Variants in USP54 observed in about 807,000 individuals in gnomAD.
USP54 encodes the protein ubiquitin specific peptidase 54.
USP54 carries 87 observed loss-of-function variants against 170.5 expected under a neutral mutation model. The ratio of observed to expected loss-of-function variants is 0.51; its 90% CI spans 0.43 to 0.61. The LOEUF (loss-of-function observed/expected upper bound fraction) is 0.61. Ranked by LOEUF, USP54 falls within the 20% of genes least tolerant of loss-of-function variation. USP54 has a pLI of 0.00. For missense variants in USP54, 1,786 were observed against 2,047.8 expected (o/e 0.87, Z 2.47); for synonymous variants, 655 against 742.8 (o/e 0.88, Z 1.92).
intron 20 of USP54, among the ~76,000 whole-genome samples, chr10:73,508,402 A>AG: frequency 6.8e-6 from 1 of 146,528 alleles, no homozygotes; most frequent in Admixed American, 6.7e-5. Context: ...GTGAGAATCC[A>AG]GAAAAAAAAA....
intron 1 of USP54, among the ~76,000 whole-genome samples, chr10:73,622,153 T>G (rs1164345401): frequency 6.6e-6 from 1 of 152,186 alleles, no homozygotes. Context: ...CTTCCTGAAC[T>G]TTTTAAGCCT....
At chr10:73,580,473 G>C (rs1235578538) in intron 1 of USP54, among the ~76,000 whole-genome samples, 1 of 152,032 alleles carries the variant, frequency 6.6e-6, no homozygotes, top group African/African-American at 2.4e-5. Flanking sequence ...AAAATTATGG[G>C]ATTATGGGAC....
At chr10:73,613,313 G>C (rs1039740633) in intron 1 of USP54, among the ~76,000 whole-genome samples, 4 of 151,262 alleles carry the variant, frequency 2.6e-5, no homozygotes, top group African/African-American at 9.7e-5. Context: ...TGTATTTTTA[G>C]TCAAGATGGG....
At chr10:73,550,925 T>C (rs980311483) in intron 4 of USP54, among the ~76,000 whole-genome samples, 3 of 151,984 alleles carry the variant, frequency 2.0e-5, no homozygotes, top group African/African-American at 7.2e-5. Context: ...GCTAACAAGG[T>C]GAAACCCCGT....
chr10:73,498,852 T>A lies in USP54; in HGVS notation c.4832A>T (p.His1611Leu), dbSNP rs997964605. ...ATTCCAAGCTGACCTCAGGGGTACA[T>A]GAAGACTGCTAGATGGTGGGTACAC... ...HPVYPPSSSL[H>L]VPLRSAWNSD... The change falls in exon 24 of 24, where the codon CAT (histidine) becomes CTT (leucine). Residue 1611 changes from histidine to leucine, a missense_variant. By Grantham distance (99) the His-to-Leu change is moderately conservative. Around this residue, in one of 3 missense-constraint regions of USP54, gnomAD observed 1,418 missense variants for 1,569.0 expected, o/e 0.90. Transcript: ENST00000687698. 6 of 1,610,256 alleles carry A rather than the reference T, an allele frequency of 3.7e-6. No homozygotes were observed. Among genetic ancestry groups the A allele is most frequent in the East Asian group, 2.2e-5 (1 of 44,780 alleles).
chr10:73,526,680 T>C lies in USP54; in HGVS notation c.2161A>G (p.Met721Val), dbSNP rs1215520036. The change falls in exon 16 of 24, where the codon ATG (methionine) becomes GTG (valine). Residue 721 changes from methionine to valine, a missense_variant. By Grantham distance (21) the Met-to-Val change is conservative. This residue lies in a region of USP54 where 1,418 missense variants were observed against 1,569.0 expected (regional missense o/e 0.90). Transcript: ENST00000687698. ...SILEVDSTAS[M>V]GGWTKSQPFS... Reference sequence around the variant, plus strand: ...GGCTGACTCTTTGTCCAGCCACCCATGGATGCTGTGGAGTCTACCTCCAGG... The same window carrying C: ...GGCTGACTCTTTGTCCAGCCACCCACGGATGCTGTGGAGTCTACCTCCAGG... 1.2e-6 allele frequency: 2 copies of C among 1,614,182 alleles called. No individual in the cohort carries two copies. Among genetic ancestry groups the C allele is most frequent in the Admixed American group, 3.3e-5 (2 of 60,028 alleles).
At chr10:73,609,570 G>T (rs2079959321) in intron 1 of USP54, among the ~76,000 whole-genome samples, 2 of 152,194 alleles carry the variant, frequency 1.3e-5, no homozygotes, top group Middle Eastern at 6.8e-3. Flanking sequence ...AAATTGCCGG[G>T]CATGGTGGCT....
chr10:73,501,722 C>G (rs1298957787), intron 22 of USP54, among the ~76,000 whole-genome samples: 2 of 152,186 alleles, frequency 1.3e-5, no homozygotes, highest in African/African-American at 4.8e-5. Context: ...CACTTTATTT[C>G]CTATCATTCC....
At chr10:73,589,122 A>G (rs1027091743) in intron 1 of USP54, among the ~76,000 whole-genome samples, 3 of 152,218 alleles carry the variant, frequency 2.0e-5, no homozygotes, top group African/African-American at 7.2e-5. Context: ...ATTGCCTTAC[A>G]CTCAACAAAT....
At position 73,529,667 on chromosome 10, in the gene USP54, G is replaced by T. The variant is rs372459272; in HGVS notation, c.2060+13C>A. 3 of 1,613,996 alleles carry T rather than the reference G, an allele frequency of 1.9e-6. No individual in the cohort carries two copies. The highest frequency in any genetic ancestry group is 2.5e-6 in the Non-Finnish European group (3 of 1,179,988). ...GCAAGAGACAATGTTGCTGTTCAAA[G>T]GCCAAACAATACCTGTAGACATTTG... On this transcript the variant is annotated intron_variant, in intron 15 of 23. Coordinates refer to ENST00000687698, the MANE Select transcript of USP54 (RefSeq NM_001391956.1).
At position 73,530,537 on chromosome 10, in the gene USP54, G is replaced by C. The variant is rs1390608472; in HGVS notation, c.1448-14C>G. On this transcript the variant is annotated splice_polypyrimidine_tract_variant and intron_variant, in intron 13 of 23. Transcript: ENST00000687698. ...TCAGTGTTTCTCCTAAAAACACAAA[G>C]AATGAAAGAAATATAGATGTTTAAA... 1.9e-6 allele frequency: 3 copies of C among 1,595,040 alleles called. No individual in the cohort carries two copies. The highest frequency in any genetic ancestry group is 2.6e-6 in the Non-Finnish European group (3 of 1,173,662).
chr10:73,594,913 A>T (rs1037419706), upstream of USP54, among the ~76,000 whole-genome samples: 3 of 151,460 alleles, frequency 2.0e-5, no homozygotes, highest in Non-Finnish European at 4.4e-5. Flanking sequence ...GTTTTTTTTT[A>T]ACTTTTTTTT....
At chr10:73,519,369 A>G (rs2061557739) in intron 19 of USP54, 1 of 202,820 alleles carries the variant, frequency 4.9e-6, no homozygotes, top group South Asian at 9.0e-5. Flanking sequence ...TCTCTTCTCT[A>G]TGGTGCAATC....
intron 1 of USP54, among the ~76,000 whole-genome samples, chr10:73,625,414 G>C (rs1308265771): frequency 2.6e-5 from 4 of 152,034 alleles, no homozygotes; most frequent in Non-Finnish European, 5.9e-5. Context: ...TTCCCGCCAC[G>C]GCCATTTAGG....
chr10:73,505,204 T>C, intron 21 of USP54, 104 bp downstream of exon 21: 2 of 1,293,362 alleles, frequency 1.5e-6, no homozygotes, highest in Admixed American at 4.1e-5. Flanking sequence ...GATAGCCCCA[T>C]ATCACCATGC....
chr10:73,546,986 G>A (rs1397856093), intron 4 of USP54, among the ~76,000 whole-genome samples: 1 of 152,130 alleles, frequency 6.6e-6, no homozygotes. Flanking sequence ...TGGGTCCTTT[G>A]TATTACTTGT....
intron 16 of USP54, 130 bp from the exon 17 acceptor site, chr10:73,523,880 T>TTATTTA (rs1200757984): frequency 0.014 from 2,266 of 160,928 alleles, 31 homozygotes; most frequent in East Asian, 0.079. Flanking sequence ...TTATTTATTA[T>TTATTTA]TTATTATTAT....
chr10:73,523,610 T>C lies in USP54; in HGVS notation c.2335A>G (p.Met779Val). Reference sequence around the variant, plus strand: ...TGATTCTGCAGTTCATCCAAGTCCATGAAGCGGCTAGGATGAGGGTTAAAC... The same window carrying C: ...TGATTCTGCAGTTCATCCAAGTCCACGAAGCGGCTAGGATGAGGGTTAAAC... ...KGFNPHPSRF[M>V]DLDELQNQGR... The change falls in exon 17 of 24, where the codon ATG becomes GTG. Residue 779 changes from methionine to valine, a missense_variant. By Grantham distance (21) the Met-to-Val change is conservative. Coordinates refer to ENST00000687698, the MANE Select transcript of USP54 (RefSeq NM_001391956.1). 6.2e-7 allele frequency: 1 copy of C among 1,610,164 alleles called. No homozygotes were observed. Among genetic ancestry groups the C allele is most frequent in the Non-Finnish European group, 8.5e-7 (1 of 1,177,094 alleles).
intron 4 of USP54, among the ~76,000 whole-genome samples, chr10:73,570,559 T>TC (rs2074960142): frequency 1.3e-5 from 2 of 149,398 alleles, no homozygotes; most frequent in Admixed American, 1.3e-4. Context: ...TCTTTTTTTT[T>TC]TTTTTTTTTG....
Sources: allele counts gnomAD v4.1 joint callset (sites outside exome capture counted in the v4.1 genomes callset), GRCh38; gene constraint gnomAD v4.1.1; regional missense constraint gnomAD v4.1.1; transcripts MANE v1.5; gene names NCBI Gene and HGNC (gene_info 2026-07-23, HGNC 2026-07-21).